The following SLC38A3 variants were observed in gnomAD, a reference collection of about 807,000 sequenced individuals.
SLC38A3 encodes the protein sodium-coupled neutral amino acid transporter 3.
SLC38A3 carries 17 observed loss-of-function variants against 59.5 expected under a neutral mutation model. The ratio of observed to expected loss-of-function variants is 0.29; its 90% CI spans 0.20 to 0.43. SLC38A3 has a LOEUF of 0.43. SLC38A3 is among the 20% of genes least tolerant of loss of function. SLC38A3 has a pLI of 1.00. For missense variants in SLC38A3, 454 were observed against 653.9 expected, an observed-to-expected ratio of 0.69 and a Z score of 3.33; for synonymous variants, 238 against 260.3, an observed-to-expected ratio of 0.91 and a Z score of 0.82.
Position 50,215,605 on chromosome 3 carries a change from A to G in SLC38A3, c.435A>G (p.Ala145=). 2 of 1,613,754 alleles carry G rather than the reference A, an allele frequency of 1.2e-6. No individual in the cohort carries two copies. The highest frequency in any genetic ancestry group is 1.1e-5 in the South Asian group (1 of 91,076). Residue 145 remains alanine, a synonymous_variant, in exon 6 of 16, where the codon GCA becomes GCG. Coordinates refer to ENST00000614032, the MANE Select transcript of SLC38A3 (RefSeq NM_006841.6). This position sits in a 1 kb window ranked among gnomAD's most constrained non-coding sequence, Gnocchi z 7.1. ...TTGGGACCCCAGGAAAGCTGGCAGC[A>G]GCCCTGGCCATCACGCTCCAGAACA... ...RAFGTPGKLA[A]ALAITLQNIG...
At position 50,217,766 on chromosome 3, in the gene SLC38A3, G is replaced by C. The variant is rs777622144; in HGVS notation, c.781G>C (p.Glu261Gln). The C allele has an allele frequency of 4.3e-6, 7 of 1,613,828 alleles. No homozygotes were observed. Among genetic ancestry groups the C allele is most frequent in the Non-Finnish European group, 5.9e-6 (7 of 1,179,834 alleles). Residue 261 changes from glutamate to glutamine, a missense_variant, in exon 10 of 16, where the codon GAG (glutamate) becomes CAG (glutamine). By Grantham distance (29) the Glu-to-Gln change is conservative. Coordinates refer to ENST00000614032, the MANE Select transcript of SLC38A3 (RefSeq NM_006841.6). This position sits in a 1 kb window ranked among gnomAD's most constrained non-coding sequence, Gnocchi z 4.9. ...CTTCAGCCACGTGGAGATCGTGAAGGAGAAGGTGCAGCTGCAGGTCGAGCC... is the reference window on the plus strand; with the variant it reads ...CTTCAGCCACGTGGAGATCGTGAAGCAGAAGGTGCAGCTGCAGGTCGAGCC... Reference protein sequence around the residue: ...GNFSHVEIVKEKVQLQVEPEA... With the variant: ...GNFSHVEIVKQKVQLQVEPEA...
At chr3:50,213,486 A>G (rs997674525) in intron 1 of SLC38A3, among the ~76,000 whole-genome samples, 7 of 152,258 alleles carry the variant, frequency 4.6e-5, no homozygotes, top group South Asian at 2.1e-4. Context: ...GTGTCCAGCC[A>G]CCCAGCACCG....
At position 50,220,016 on chromosome 3, in the gene SLC38A3, A is replaced by G. The variant is rs587603267; in HGVS notation, c.1410+32A>G. ...GGGGCCTGGAGGCCGGTGGGCTGGTATGGGGCTAAGGGAACTGCCCTGACC... is the reference window on the plus strand; with the variant it reads ...GGGGCCTGGAGGCCGGTGGGCTGGTGTGGGGCTAAGGGAACTGCCCTGACC... On this transcript the variant is annotated intron_variant, in intron 15 of 15. Coordinates refer to ENST00000614032, the MANE Select transcript of SLC38A3 (RefSeq NM_006841.6). 7 of 1,604,124 alleles carry G rather than the reference A, an allele frequency of 4.4e-6. No homozygotes were observed. The East Asian group carries it at 1.6e-4, about 36-fold the overall frequency.
At position 50,217,230 on chromosome 3, in the gene SLC38A3, C is replaced by T. The variant is rs772615835; in HGVS notation, c.549-8C>T. ...TCTGACCCTGGCTCCCGACTCATGTCCCTGCAGGGACTGGTACATGAACGG... is the reference window on the plus strand; with the variant it reads ...TCTGACCCTGGCTCCCGACTCATGTTCCTGCAGGGACTGGTACATGAACGG... On this transcript the variant is annotated splice_region_variant and splice_polypyrimidine_tract_variant and intron_variant, in intron 7 of 15. Transcript: ENST00000614032. The surrounding 1 kb of genome is among the most constrained non-coding windows in gnomAD (Gnocchi z 4.9). The T allele has an allele frequency of 1.2e-6, 2 of 1,607,224 alleles. No homozygotes were observed. The highest frequency in any genetic ancestry group is 1.7e-5 in the Admixed American group (1 of 59,550).
chr3:50,210,107 T>C (rs761733524), intron 1 of SLC38A3, among the ~76,000 whole-genome samples: 1 of 152,168 alleles, frequency 6.6e-6, no homozygotes, highest in Non-Finnish European at 1.5e-5. Context: ...AATGTCTCCA[T>C]TGGATCTGGT....
Position 50,214,510 on chromosome 3 carries a change from G to A in SLC38A3, c.183+27G>A. 1.3e-6 allele frequency: 2 copies of A among 1,544,578 alleles called. No homozygotes were observed. Among genetic ancestry groups the A allele is most frequent in the Middle Eastern group, 1.7e-4 (1 of 5,980 alleles). On this transcript the variant is annotated intron_variant, in intron 3 of 15. Coordinates refer to ENST00000614032, the MANE Select transcript of SLC38A3 (RefSeq NM_006841.6). This position sits in a 1 kb window ranked among gnomAD's most constrained non-coding sequence, Gnocchi z 6.0. ...TGAGCAGGGCAGCAACGGGTTTTAG[G>A]GGACACTGTGGGGAGCTTGGATGCA...
chr3:50,206,205 C>G (rs574376131), intron 1 of SLC38A3, among the ~76,000 whole-genome samples: 11 of 152,380 alleles, frequency 7.2e-5, no homozygotes, highest in Admixed American at 2.6e-4. Context: ...CCTGCGGGGA[C>G]CCGCCCTTTT....
intron 7 of SLC38A3, among the ~76,000 whole-genome samples, chr3:50,216,189 C>T (rs1002099346): frequency 6.6e-6 from 1 of 152,250 alleles, no homozygotes; most frequent in African/African-American, 2.4e-5. Context: ...AGATATTAAG[C>T]CCAGGTGTCC....
intron 1 of SLC38A3, among the ~76,000 whole-genome samples, chr3:50,209,566 G>A (rs1699695651): frequency 6.6e-6 from 1 of 151,776 alleles, no homozygotes; most frequent in Non-Finnish European, 1.5e-5. Flanking sequence ...GGAGAAAGGT[G>A]TGAACCCAGG....
intron 1 of SLC38A3, among the ~76,000 whole-genome samples, chr3:50,212,870 A>G (rs1011091136): frequency 2.0e-5 from 3 of 152,154 alleles, no homozygotes; most frequent in Non-Finnish European, 4.4e-5. Flanking sequence ...GGCAGAATTC[A>G]GGGTTCTCCA....
At chr3:50,209,580 C>A (rs1159191042) in intron 1 of SLC38A3, among the ~76,000 whole-genome samples, 1 of 150,568 alleles carries the variant, frequency 6.6e-6, no homozygotes. Flanking sequence ...ACCCAGGAGG[C>A]GGAGGTTGCA....
At chr3:50,213,294 C>T (rs768808339) in intron 1 of SLC38A3, among the ~76,000 whole-genome samples, 1 of 152,192 alleles carries the variant, frequency 6.6e-6, no homozygotes, top group African/African-American at 2.4e-5. Flanking sequence ...GGACAGCGGG[C>T]CCCTGAGGGT....
At position 50,218,021 on chromosome 3, in the gene SLC38A3, G is replaced by A. The variant is rs1262261006; in HGVS notation, c.935+25G>A. The A allele has an allele frequency of 6.2e-7, 1 of 1,608,840 alleles. No individual in the cohort carries two copies. The highest frequency in any genetic ancestry group is 8.5e-7 in the Non-Finnish European group (1 of 1,175,642). ...AGTAGGTGTCTGTGGCTGGGAGTGG[G>A]GGTGGGGATGCCCTGAGCTGGTTTG... On this transcript the variant is annotated intron_variant, in intron 11 of 15. Coordinates refer to ENST00000614032, the MANE Select transcript of SLC38A3 (RefSeq NM_006841.6). The surrounding 1 kb of genome is among the most constrained non-coding windows in gnomAD (Gnocchi z 5.8).
chr3:50,218,515 T>C lies in SLC38A3; in HGVS notation c.1037-78T>C. 1 of 1,588,842 alleles carries C rather than the reference T, an allele frequency of 6.3e-7. No homozygotes were observed. Among genetic ancestry groups the C allele is most frequent in the Non-Finnish European group, 8.6e-7 (1 of 1,166,322 alleles). On this transcript the variant is annotated intron_variant, in intron 12 of 15. Transcript: ENST00000614032. This position sits in a 1 kb window ranked among gnomAD's most constrained non-coding sequence, Gnocchi z 5.8. Reference sequence around the variant, plus strand: ...TGAGTCTGCATGCCAATCCCCACAGTGTTGGGGTCCCCTAGGCAGCTCAGA... The same window carrying C: ...TGAGTCTGCATGCCAATCCCCACAGCGTTGGGGTCCCCTAGGCAGCTCAGA...
chr3:50,218,032 C>T lies in SLC38A3; in HGVS notation c.935+36C>T. Reference sequence around the variant, plus strand: ...GTGGCTGGGAGTGGGGGTGGGGATGCCCTGAGCTGGTTTGGGGAGAATGGA... The same window carrying T: ...GTGGCTGGGAGTGGGGGTGGGGATGTCCTGAGCTGGTTTGGGGAGAATGGA... On this transcript the variant is annotated intron_variant, in intron 11 of 15. Transcript: ENST00000614032. This position sits in a 1 kb window ranked among gnomAD's most constrained non-coding sequence, Gnocchi z 5.8. 1 of 1,596,210 alleles carries T rather than the reference C, an allele frequency of 6.3e-7. No individual in the cohort carries two copies. Among genetic ancestry groups the T allele is most frequent in the African/African-American group, 1.3e-5 (1 of 74,670 alleles).
Position 50,211,568 on chromosome 3 carries a change from CTTTTTTTTTTTT to C in SLC38A3, c.-51-2565_-51-2554del, listed in dbSNP as rs765148889. Among the ~76,000 whole-genome samples, 6 of 81,192 alleles carry C rather than the reference CTTTTTTTTTTTT, an allele frequency of 7.4e-5. No homozygotes were observed. In the South Asian group the frequency reaches 2.2e-3, roughly 30 times the overall value. 53.3% of individuals were successfully genotyped at this position (81,192 alleles called of 152,430 possible). ...GGAAGTCTTCCTTGATGCCCCCATCCTTTTTTTTTTTTTTTTTTTTTTTTTTTCTTTTTTTTT... is the reference window on the plus strand; with the variant it reads ...GGAAGTCTTCCTTGATGCCCCCATCCTTTTTTTTTTTTTTTCTTTTTTTTT... On this transcript the variant is annotated intron_variant, in intron 1 of 15. Transcript: ENST00000614032.
intron 14 of SLC38A3, 61 bp from the exon 15 acceptor site, chr3:50,219,820 C>T: frequency 7.2e-7 from 1 of 1,386,680 alleles, no homozygotes; most frequent in Non-Finnish European, 1.0e-6. Context: ...AAGAGTCCAC[C>T]CCCGAACCTT....
Position 50,218,072 on chromosome 3 carries a change from T to G in SLC38A3, c.935+76T>G, listed in dbSNP as rs1575427070. 6.9e-7 allele frequency: 1 copy of G among 1,446,300 alleles called. No homozygotes were observed. Among genetic ancestry groups the G allele is most frequent in the Non-Finnish European group, 9.6e-7 (1 of 1,036,350 alleles). The allele number at this position is 1,446,300 out of a possible 1,614,324, so 89.6% of individuals were successfully genotyped here. ...GGGAGAATGGATGTGGTCCTGAATG[T>G]GGAGAGGGGAGTGACAGGAGCCAAG... On this transcript the variant is annotated intron_variant, in intron 11 of 15. Coordinates refer to ENST00000614032, the MANE Select transcript of SLC38A3 (RefSeq NM_006841.6). This position sits in a 1 kb window ranked among gnomAD's most constrained non-coding sequence, Gnocchi z 5.8.
At chr3:50,210,629 T>G in intron 1 of SLC38A3, among the ~76,000 whole-genome samples, 1 of 152,220 alleles carries the variant, frequency 6.6e-6, no homozygotes, top group African/African-American at 2.4e-5. Context: ...GTGGCCTGGG[T>G]TCCTGGGGCT....
Sources: allele counts gnomAD v4.1 joint callset (sites outside exome capture counted in the v4.1 genomes callset), GRCh38; gene constraint gnomAD v4.1.1; non-coding constraint Gnocchi (gnomAD v3.1); transcripts MANE v1.5; gene names NCBI Gene and HGNC (gene_info 2026-07-23, HGNC 2026-07-21).